The following ADAM22 variants were observed in gnomAD, a reference collection of about 807,000 sequenced individuals.
The protein encoded by ADAM22 is disintegrin and metalloproteinase domain-containing protein 22.
In ADAM22, 65 loss-of-function variants were observed where a neutral mutation model predicts 144.6. The ratio of observed to expected loss-of-function variants is 0.45; its 90% confidence interval spans 0.37 to 0.55. ADAM22 has a LOEUF of 0.55. Ranked by LOEUF, ADAM22 falls within the 20% of genes least tolerant of loss-of-function variation. The pLI is 0.00. For synonymous variants in ADAM22, 391 were observed against 412.6 expected (o/e 0.95, Z 0.63); for missense variants, 974 against 1,184.9 (o/e 0.82, Z 2.61).
chr7:88,023,990 A>G (rs1303126815), intron 3 of ADAM22, among the ~76,000 whole-genome samples: 2 of 152,152 alleles, frequency 1.3e-5, no homozygotes, highest in African/African-American at 4.8e-5. Context: ...AATGATCTCC[A>G]GTTTCATCCA....
intron 3 of ADAM22, among the ~76,000 whole-genome samples, chr7:88,043,439 C>T (rs1270058559): frequency 2.0e-5 from 3 of 149,918 alleles, no homozygotes; most frequent in African/African-American, 2.5e-5. Context: ...GAGCCTAGAT[C>T]GCGCCACTGC....
intron 4 of ADAM22, among the ~76,000 whole-genome samples, chr7:88,076,728 G>C (rs891218033): frequency 6.6e-6 from 1 of 152,200 alleles, no homozygotes; most frequent in Non-Finnish European, 1.5e-5. Flanking sequence ...TATAATCTGA[G>C]AGCATATGAA....
chr7:88,035,275 A>G (rs1192967126), intron 3 of ADAM22, among the ~76,000 whole-genome samples: 1 of 152,214 alleles, frequency 6.6e-6, no homozygotes, highest in African/African-American at 2.4e-5. Flanking sequence ...TCACTTATTA[A>G]TATATACAAA....
At chr7:88,089,004 AT>A (rs1289308534) in intron 4 of ADAM22, among the ~76,000 whole-genome samples, 2 of 151,460 alleles carry the variant, frequency 1.3e-5, no homozygotes, top group Admixed American at 1.3e-4. Flanking sequence ...TGGGACATAG[AT>A]TTTTTTTCTG....
intron 3 of ADAM22, among the ~76,000 whole-genome samples, chr7:88,073,146 A>C (rs1474109026): frequency 6.6e-6 from 1 of 152,222 alleles, no homozygotes; most frequent in East Asian, 1.9e-4. Flanking sequence ...GTTCAAAGAC[A>C]AATGTTCTTG....
rs549499744 is a variant in ADAM22, at chr7:88,085,734, T to C, written c.390+10042T>C. The stretch of plus-strand genomic sequence containing the variant: ...AAATAAAGCTCGGCCAGCTGTTTAT[T>C]TGCTGCATCCCAAGCCCTTTTCATC... On this transcript the variant is annotated intron_variant, in intron 4 of 31. Coordinates refer to ENST00000413139, the MANE Select transcript of ADAM22 (RefSeq NM_001324418.2). Among the ~76,000 whole-genome samples, 12 of 152,360 alleles carry C rather than the reference T, an allele frequency of 7.9e-5. No individual in the cohort carries two copies. The South Asian group carries it at 2.5e-3, about 32-fold the overall frequency.
chr7:88,073,942 A>G (rs1813495325), intron 3 of ADAM22, among the ~76,000 whole-genome samples: 1 of 152,236 alleles, frequency 6.6e-6, no homozygotes, highest in Admixed American at 6.5e-5. Context: ...ACAGATAACA[A>G]ATGGAGCAGG....
In ADAM22 at chr7:88,108,172, T is replaced by C; in HGVS notation, c.391-4T>C. On this transcript the variant is annotated splice_region_variant and splice_polypyrimidine_tract_variant and intron_variant, in intron 4 of 31. Transcript: ENST00000413139. ...AGACTTACATTCTTTATTTCTGTTT[T>C]CAGGGAGGAGAGCACTGTTACTACC... The C allele has an allele frequency of 6.2e-7, 1 of 1,609,858 alleles. No homozygotes were observed. The highest frequency in any genetic ancestry group is 8.5e-7 in the Non-Finnish European group (1 of 1,178,670).
intron 2 of ADAM22, among the ~76,000 whole-genome samples, chr7:87,938,589 A>G (rs1841834218): frequency 6.6e-6 from 1 of 152,054 alleles, no homozygotes; most frequent in Non-Finnish European, 1.5e-5. Flanking sequence ...TGTGAACTCA[A>G]AAAGCTTATA....
At chr7:88,045,989 C>G (rs546175022) in intron 3 of ADAM22, among the ~76,000 whole-genome samples, 1 of 149,534 alleles carries the variant, frequency 6.7e-6, no homozygotes, top group African/African-American at 2.5e-5. Flanking sequence ...AGTTTGACCC[C>G]ATATCTTAGG....
rs1203515601 is a variant in ADAM22 at position 88,202,800 on chromosome 7, C to A, written c.*6309C>A. ...GGCACAGTTTTATTAGTATTCACTT[C>A]GGAAGCTAATAAGATACCATGGTTT... is the stretch of plus-strand genomic sequence containing the variant. On this transcript the variant is annotated 3_prime_UTR_variant, in exon 32 of 32. Transcript: ENST00000413139. The A allele has an allele frequency of 2.6e-5, 4 of 152,152 alleles. No homozygotes were observed. The highest frequency in any genetic ancestry group is 4.4e-5 in the Non-Finnish European group (3 of 68,024). 9.4% of individuals were successfully genotyped at this position (152,152 alleles called of 1,614,324 possible).
intron 5 of ADAM22, among the ~76,000 whole-genome samples, chr7:88,114,229 C>A (rs1022277575): frequency 3.3e-5 from 5 of 152,106 alleles, no homozygotes; most frequent in African/African-American, 9.7e-5. Context: ...GGGTTCCAGT[C>A]CATAAATCTG....
chr7:87,953,425 G>A (rs1845766639), intron 2 of ADAM22, among the ~76,000 whole-genome samples: 1 of 152,174 alleles, frequency 6.6e-6, no homozygotes, highest in Admixed American at 6.5e-5. Flanking sequence ...GGAGCAGGTT[G>A]TTCAGTTTCC....
intron 31 of ADAM22, among the ~76,000 whole-genome samples, chr7:88,195,672 C>G (rs888205284): frequency 6.6e-6 from 1 of 152,046 alleles, no homozygotes; most frequent in Non-Finnish European, 1.5e-5. Context: ...CCCGCCACCA[C>G]GCCCGGCTAA....
chr7:88,080,674 C>T (rs932213226), intron 4 of ADAM22, among the ~76,000 whole-genome samples: 15 of 152,044 alleles, frequency 9.9e-5, no homozygotes, highest in Middle Eastern at 3.4e-3. Flanking sequence ...ATATCTCCAC[C>T]GATCCCACAG....
chr7:88,187,897 A>C (rs898183878), intron 30 of ADAM22, among the ~76,000 whole-genome samples: 10 of 151,820 alleles, frequency 6.6e-5, no homozygotes, highest in African/African-American at 2.4e-4. Context: ...CTGCTCACAA[A>C]AATATATCCT....
intron 7 of ADAM22, among the ~76,000 whole-genome samples, chr7:88,118,070 G>A (rs1448926425): frequency 2.0e-5 from 3 of 152,104 alleles, no homozygotes; most frequent in African/African-American, 7.2e-5. Context: ...GTTTGTAGAT[G>A]AAGAAACAGA....
intron 3 of ADAM22, among the ~76,000 whole-genome samples, chr7:88,067,398 C>T (rs893354658): frequency 6.6e-6 from 1 of 151,332 alleles, no homozygotes; most frequent in African/African-American, 2.4e-5. Context: ...CCTCCCTCCT[C>T]CCCCCACCCC....
intron 23 of ADAM22, 43 bp downstream of exon 23, chr7:88,163,223 A>T (rs768000594): frequency 2.1e-5 from 31 of 1,478,022 alleles, no homozygotes; most frequent in Non-Finnish European, 2.8e-5. Flanking sequence ...CTTTTATATC[A>T]CAGAAATAGA....
Sources: gnomAD v4.1 joint callset for allele counts (sites outside exome capture counted in the v4.1 genomes callset) on GRCh38, gnomAD v4.1.1 for gene constraint, MANE v1.5 for transcripts, NCBI Gene and HGNC (gene_info 2026-07-23, HGNC 2026-07-21) for gene names.